Variants in SAMD5 observed in about 807,000 individuals in gnomAD.
SAMD5 encodes sterile alpha motif domain containing 5.
SAMD5 carries 13 observed loss-of-function variants against 11.3 expected under a neutral mutation model. That is an observed-to-expected ratio of 1.15 (90% CI 0.75 to 1.83). The LOEUF (loss-of-function observed/expected upper bound fraction) is 1.83. SAMD5 is among the 40% of genes most tolerant of loss of function. The pLI, the probability that SAMD5 is intolerant of heterozygous loss-of-function variation, is 0.00. For missense variants in SAMD5, 255 were observed against 239.1 expected (o/e 1.07, Z -0.44); for synonymous variants, 129 against 111.3 (o/e 1.16, Z -1.00).
At chr6:147,561,843 C>T (rs368476197) in intron 1 of SAMD5, among the ~76,000 whole-genome samples, 17 of 152,206 alleles carry the variant, frequency 1.1e-4, no homozygotes, top group South Asian at 4.1e-4. Flanking sequence ...AAAAGAATGA[C>T]GGCGCATTCG....
the SAMD5 span, among the ~76,000 whole-genome samples, chr6:147,842,791 G>T: frequency 6.6e-6 from 1 of 152,130 alleles, no homozygotes; most frequent in South Asian, 2.1e-4. Flanking sequence ...CTTGAAATAG[G>T]CATTTGTGCC....
At chr6:147,928,152 G>A in the SAMD5 span, among the ~76,000 whole-genome samples, 3 of 152,122 alleles carry the variant, frequency 2.0e-5, no homozygotes, top group African/African-American at 4.8e-5. Context: ...TCTCTGCCAG[G>A]TTTTTGAATC....
At chr6:147,510,863 A>G (rs1788077839) in intron 1 of SAMD5, among the ~76,000 whole-genome samples, 1 of 152,230 alleles carries the variant, frequency 6.6e-6, no homozygotes, top group Non-Finnish European at 1.5e-5. Flanking sequence ...AAAGCAGGAA[A>G]GGAGAGAACA....
At chr6:147,811,667 T>A in the SAMD5 span, among the ~76,000 whole-genome samples, 1 of 152,042 alleles carries the variant, frequency 6.6e-6, no homozygotes, top group Non-Finnish European at 1.5e-5. Flanking sequence ...ATATTGATGA[T>A]GGAATTGACT....
At chr6:147,760,302 A>G in the SAMD5 span, among the ~76,000 whole-genome samples, 6 of 152,204 alleles carry the variant, frequency 3.9e-5, no homozygotes, top group Non-Finnish European at 7.3e-5. Flanking sequence ...GTCTCCTAAC[A>G]ATAGTTTTGT....
intron 1 of SAMD5, among the ~76,000 whole-genome samples, chr6:147,708,488 G>A (rs1791354563): frequency 6.6e-6 from 1 of 152,174 alleles, no homozygotes. Flanking sequence ...CACTCCAGTT[G>A]TAAATAGATC....
chr6:147,936,533 T>G, the SAMD5 span, among the ~76,000 whole-genome samples: 1 of 152,056 alleles, frequency 6.6e-6, no homozygotes, highest in Non-Finnish European at 1.5e-5. Context: ...AAGGGGATAG[T>G]GCTAAACCAG....
At chr6:147,614,527 G>A (rs1436361240) in intron 1 of SAMD5, among the ~76,000 whole-genome samples, 2 of 151,778 alleles carry the variant, frequency 1.3e-5, no homozygotes, top group Non-Finnish European at 1.5e-5. Context: ...GCAACAACGT[G>A]GAAGAATCTC....
chr6:147,896,759 A>AAACAAACAAACAAAC, the SAMD5 span, among the ~76,000 whole-genome samples: 1 of 150,594 alleles, frequency 6.6e-6, no homozygotes, highest in African/African-American at 2.5e-5. Context: ...AAAAAAAAAA[A>AAACAAACAAACAAAC]AAAACGCATC....
intron 1 of SAMD5, among the ~76,000 whole-genome samples, chr6:147,695,348 A>G (rs1791160323): frequency 6.6e-6 from 1 of 152,188 alleles, no homozygotes; most frequent in Non-Finnish European, 1.5e-5. Context: ...TCTAAAAATC[A>G]AAAGCCTTCG....
At chr6:147,625,712 A>ACAC (rs1790040608) in intron 1 of SAMD5, among the ~76,000 whole-genome samples, 1 of 151,312 alleles carries the variant, frequency 6.6e-6, no homozygotes, top group Non-Finnish European at 1.5e-5. Context: ...GTTAAAAGAA[A>ACAC]ACACATACAC....
chr6:147,591,601 A>G (rs1317475097), intron 1 of SAMD5, among the ~76,000 whole-genome samples: 1 of 152,122 alleles, frequency 6.6e-6, no homozygotes, highest in African/African-American at 2.4e-5. Flanking sequence ...TATGGCTTGC[A>G]CTATAAGGAT....
the SAMD5 span, among the ~76,000 whole-genome samples, chr6:147,925,682 C>CTTTTTTTTT: frequency 8.7e-6 from 1 of 115,282 alleles, no homozygotes; most frequent in Non-Finnish European, 1.8e-5. Context: ...ACTGAGAATT[C>CTTTTTTTTT]TTTTTTTTTT....
At chr6:147,769,518 C>G in the SAMD5 span, among the ~76,000 whole-genome samples, 1 of 152,162 alleles carries the variant, frequency 6.6e-6, no homozygotes, top group Non-Finnish European at 1.5e-5. Flanking sequence ...TGTCACTTTC[C>G]TCTGCTGCCT....
At chr6:147,745,647 G>C in the SAMD5 span, among the ~76,000 whole-genome samples, 5 of 152,114 alleles carry the variant, frequency 3.3e-5, no homozygotes. Flanking sequence ...TTCACAAAGT[G>C]CACACTGTCC....
intron 1 of SAMD5, among the ~76,000 whole-genome samples, chr6:147,526,604 CCA>C (rs1788345078): frequency 6.6e-6 from 1 of 152,196 alleles, no homozygotes. Flanking sequence ...CTAGGCAGAG[CCA>C]CAGTGTGGAC....
chr6:147,652,160 C>T (rs4895718), intron 1 of SAMD5, among the ~76,000 whole-genome samples: 88,458 of 151,920 alleles, frequency 0.58, 27,230 homozygotes, highest in South Asian at 0.76. Flanking sequence ...TCCACTGTAA[C>T]TGCAAATATA....
the SAMD5 span, among the ~76,000 whole-genome samples, chr6:147,762,513 G>C: frequency 1.2e-4 from 9 of 72,168 alleles, no homozygotes; most frequent in South Asian, 3.3e-3. Flanking sequence ...ACCAATTACT[G>C]TACTCTTTTA....
chr6:147,909,886 G>A, the SAMD5 span, among the ~76,000 whole-genome samples: 2 of 152,072 alleles, frequency 1.3e-5, no homozygotes, highest in South Asian at 2.1e-4. Context: ...TGACAAGGCC[G>A]GTTCATGTTA....
Sources: allele counts gnomAD v4.1 joint callset (sites outside exome capture counted in the v4.1 genomes callset), GRCh38; gene constraint gnomAD v4.1.1; transcripts MANE v1.5; gene names NCBI Gene and HGNC (gene_info 2026-07-23, HGNC 2026-07-21).